Variants in COL11A1 observed in about 807,000 individuals in gnomAD.
COL11A1 encodes the protein collagen type XI alpha 1 chain.
Under a neutral mutation model 265.2 loss-of-function variants are expected in COL11A1, and 74 were observed. That is an observed-to-expected ratio of 0.28 (90% CI 0.23 to 0.34). The LOEUF (loss-of-function observed/expected upper bound fraction) is 0.34. Among genes scored for constraint, COL11A1 ranks in the 10% least tolerant of loss-of-function variants. The pLI is 1.00. For synonymous variants in COL11A1, 816 were observed against 727.6 expected (o/e 1.12, Z -1.96); for missense variants, 2,165 against 2,263.6 (o/e 0.96, Z 0.88).
intron 5 of COL11A1, among the ~76,000 whole-genome samples, chr1:103,026,883 A>T (rs1334072895): frequency 6.6e-6 from 1 of 152,080 alleles, no homozygotes. Context: ...CTGTATTAAA[A>T]TACTGTAACC....
chr1:102,931,546 G>A (rs533181151), intron 46 of COL11A1, among the ~76,000 whole-genome samples: 7 of 152,184 alleles, frequency 4.6e-5, no homozygotes, highest in Admixed American at 3.3e-4. Context: ...GTGTTTTGTG[G>A]TGCTGAAAAA....
intron 4 of COL11A1, among the ~76,000 whole-genome samples, chr1:103,042,699 GC>G (rs1571129534): frequency 6.6e-6 from 1 of 151,916 alleles, no homozygotes; most frequent in African/African-American, 2.4e-5. Flanking sequence ...CAGAACTACA[GC>G]TCCTCACTGA....
intron 28 of COL11A1, among the ~76,000 whole-genome samples, chr1:102,993,499 T>C (rs892948376): frequency 5.3e-5 from 8 of 152,128 alleles, no homozygotes; most frequent in African/African-American, 1.9e-4. Context: ...AAATGCTATA[T>C]AAATAGTTGT....
chr1:102,909,202 G>A (rs1654359361), intron 54 of COL11A1, among the ~76,000 whole-genome samples: 1 of 152,024 alleles, frequency 6.6e-6, no homozygotes, highest in Admixed American at 6.6e-5. Flanking sequence ...GTTAGTTCCT[G>A]AGAGAGCTGG....
chr1:102,901,639 T>G (rs548259743), intron 54 of COL11A1, among the ~76,000 whole-genome samples: 1 of 152,200 alleles, frequency 6.6e-6, no homozygotes, highest in Non-Finnish European at 1.5e-5. Flanking sequence ...GATGAAGTAA[T>G]GAGTGTTCTT....
At chr1:103,094,102 G>A (rs547680003) in intron 1 of COL11A1, among the ~76,000 whole-genome samples, 1 of 152,172 alleles carries the variant, frequency 6.6e-6, no homozygotes, top group Non-Finnish European at 1.5e-5. Context: ...GCCAATAAAG[G>A]AAATCAGGAA....
intron 44 of COL11A1, 143 bp downstream of exon 44, chr1:102,938,892 A>G (rs1658425247): frequency 1.5e-6 from 1 of 681,946 alleles, no homozygotes; most frequent in Admixed American, 2.5e-5. Context: ...AAATTATAGA[A>G]TGATATAACT....
At position 102,909,151 on chromosome 1, in the gene COL11A1, T is replaced by A. The variant is rs183625542; in HGVS notation, c.4086+3008A>T. ...TGGGGATGGATTTCTTATGAATAGA[T>A]TAATACCTTTCCAGGATGGGTGTGA... On this transcript the variant is annotated intron_variant, in intron 54 of 66. Coordinates refer to ENST00000370096, the MANE Select transcript of COL11A1 (RefSeq NM_001854.4). Among the ~76,000 whole-genome samples, 5 of 152,298 alleles carry A rather than the reference T, an allele frequency of 3.3e-5. No individual in the cohort carries two copies. The East Asian group carries it at 9.7e-4, about 29-fold the overall frequency.
intron 8 of COL11A1, 61 bp downstream of exon 8, chr1:103,022,681 T>A: frequency 6.3e-7 from 1 of 1,598,914 alleles, no homozygotes; most frequent in Non-Finnish European, 8.6e-7. Flanking sequence ...AAGATGGACA[T>A]GGACATAAAA....
At chr1:103,027,394 C>CT in intron 5 of COL11A1, among the ~76,000 whole-genome samples, 1 of 94,488 alleles carries the variant, frequency 1.1e-5, no homozygotes, top group African/African-American at 4.1e-5. Flanking sequence ...AGTTAAAACT[C>CT]TAATATATAT....
intron 15 of COL11A1, 55 bp from the exon 16 acceptor site, chr1:103,006,370 C>T: frequency 7.4e-7 from 1 of 1,358,004 alleles, no homozygotes; most frequent in Non-Finnish European, 1.0e-6. Flanking sequence ...TCAATAAACT[C>T]AATAGCATCA....
At chr1:102,978,106 TATATC>T (rs1256632833) in intron 35 of COL11A1, among the ~76,000 whole-genome samples, 2 of 152,164 alleles carry the variant, frequency 1.3e-5, no homozygotes, top group East Asian at 1.9e-4. Context: ...TACTTAAACT[TATATC>T]AGGAGGATAG....
At chr1:103,038,484 G>A (rs1455917118) in intron 4 of COL11A1, among the ~76,000 whole-genome samples, 2 of 151,972 alleles carry the variant, frequency 1.3e-5, no homozygotes, top group African/African-American at 4.8e-5. Flanking sequence ...AAGAGAGAGA[G>A]CGAGAGAGAG....
intron 41 of COL11A1, among the ~76,000 whole-genome samples, chr1:102,952,371 A>G (rs558641760): frequency 6.6e-6 from 1 of 152,360 alleles, no homozygotes; most frequent in African/African-American, 2.4e-5. Context: ...TGCTGGAATT[A>G]CAGGTGTGAG....
At chr1:102,922,304 T>C (rs1355864300) in intron 47 of COL11A1, among the ~76,000 whole-genome samples, 2 of 152,206 alleles carry the variant, frequency 1.3e-5, no homozygotes, top group African/African-American at 4.8e-5. Context: ...GAAGAATATA[T>C]CAATGATTCA....
At chr1:103,051,793 C>G (rs1022122031) in intron 4 of COL11A1, among the ~76,000 whole-genome samples, 1 of 152,190 alleles carries the variant, frequency 6.6e-6, no homozygotes, top group Non-Finnish European at 1.5e-5. Flanking sequence ...TAATAACAAT[C>G]TCACATTAAC....
chr1:103,050,902 G>C (rs1669760170), intron 4 of COL11A1, among the ~76,000 whole-genome samples: 1 of 152,186 alleles, frequency 6.6e-6, no homozygotes, highest in African/African-American at 2.4e-5. Flanking sequence ...AGCAGCAGAG[G>C]CTGCAGAACA....
intron 6 of COL11A1, 199 bp from the exon 7 acceptor site, chr1:103,025,812 T>C (rs1324692916): frequency 3.1e-6 from 5 of 1,613,368 alleles, no homozygotes; most frequent in Non-Finnish European, 4.2e-6. Flanking sequence ...TTACCCCTAG[T>C]TTGGCTTTTG....
At chr1:102,932,518 C>T (rs1424359853) in intron 46 of COL11A1, among the ~76,000 whole-genome samples, 1 of 152,058 alleles carries the variant, frequency 6.6e-6, no homozygotes, top group Non-Finnish European at 1.5e-5. Flanking sequence ...TCTGGCTGCC[C>T]TTAACATTTT....
Sources: allele counts gnomAD v4.1 joint callset (sites outside exome capture counted in the v4.1 genomes callset), GRCh38; gene constraint gnomAD v4.1.1; transcripts MANE v1.5; gene names NCBI Gene and HGNC (gene_info 2026-07-23, HGNC 2026-07-21).